Variants in THRB observed in about 807,000 individuals in gnomAD.
THRB encodes the protein thyroid hormone receptor beta.
Under a neutral mutation model 47.8 loss-of-function variants are expected in THRB, and 12 were observed. The ratio of observed to expected loss-of-function variants is 0.25; its 90% CI spans 0.16 to 0.41. The LOEUF (loss-of-function observed/expected upper bound fraction) is 0.41, where lower values mean the gene tolerates loss of function less well. Ranked by LOEUF, THRB falls within the 10% of genes least tolerant of loss-of-function variation. The pLI, the probability that THRB is intolerant of heterozygous loss-of-function variation, is 1.00. For synonymous variants in THRB, 218 were observed against 212.2 expected (o/e 1.03, Z -0.24); for missense variants, 348 against 589.2 (o/e 0.59, Z 4.24).
At chr3:24,407,942 CATA>C (rs751220761) in intron 1 of THRB, among the ~76,000 whole-genome samples, 1 of 151,826 alleles carries the variant, frequency 6.6e-6, no homozygotes, top group African/African-American at 2.4e-5. Context: ...ATATTTGACT[CATA>C]AACAAGTTAT....
intron 1 of THRB, among the ~76,000 whole-genome samples, chr3:24,397,569 A>G (rs2067058165): frequency 6.6e-6 from 1 of 150,452 alleles, no homozygotes; most frequent in Non-Finnish European, 1.5e-5. Flanking sequence ...TGGCCCCTGC[A>G]TGAATGCACA....
In THRB at chr3:24,457,434, G is replaced by A. The variant is rs367574119; in HGVS notation, c.-261+37218C>T. ...ATAAAAGATGAATGAGAAAATATAT[G>A]TCTTCTAGTCTGACTCTGACCTCAG... On this transcript the variant is annotated intron_variant, in intron 1 of 10. Coordinates refer to ENST00000646209, the MANE Select transcript of THRB (RefSeq NM_001354712.2). Among the ~76,000 whole-genome samples the A allele has an allele frequency of 3.9e-5, 6 of 152,256 alleles. No individual in the cohort carries two copies. In the South Asian group the frequency reaches 1.2e-3, roughly 32 times the overall value.
At chr3:24,257,073 C>T (rs573238952) in intron 3 of THRB, among the ~76,000 whole-genome samples, 1 of 152,252 alleles carries the variant, frequency 6.6e-6, no homozygotes, top group East Asian at 1.9e-4. Context: ...GCACATCCTT[C>T]TCTGGTTCTC....
At chr3:24,426,578 A>G (rs1489821082) in intron 1 of THRB, among the ~76,000 whole-genome samples, 4 of 151,948 alleles carry the variant, frequency 2.6e-5, no homozygotes, top group Non-Finnish European at 1.5e-5. Flanking sequence ...AAAATAGTGT[A>G]CCCGAGATGC....
At chr3:24,346,804 A>C (rs1360416341) in intron 1 of THRB, among the ~76,000 whole-genome samples, 4 of 152,018 alleles carry the variant, frequency 2.6e-5, no homozygotes, top group African/African-American at 9.7e-5. Context: ...CTAGAAAAAG[A>C]GATAAGAAAA....
At chr3:24,452,572 A>G (rs2072765439) in intron 1 of THRB, among the ~76,000 whole-genome samples, 1 of 152,084 alleles carries the variant, frequency 6.6e-6, no homozygotes, top group African/African-American at 2.4e-5. Flanking sequence ...TTCTGCTGAG[A>G]AAGATGAGGC....
At chr3:24,208,716 G>A (rs548506075) in intron 4 of THRB, among the ~76,000 whole-genome samples, 11 of 152,252 alleles carry the variant, frequency 7.2e-5, no homozygotes, top group South Asian at 4.1e-4. Context: ...GATTAAAGAC[G>A]TAAATGTTAG....
At chr3:24,456,724 T>C (rs890233876) in intron 1 of THRB, among the ~76,000 whole-genome samples, 1 of 151,798 alleles carries the variant, frequency 6.6e-6, no homozygotes, top group African/African-American at 2.4e-5. Flanking sequence ...AAGTATTATC[T>C]TATGCTTATC....
In THRB at chr3:24,128,863, CT is replaced by C. The variant is rs57890674; in HGVS notation, c.886-1107del. Among the ~76,000 whole-genome samples the C allele has an allele frequency of 6.2e-3, 540 of 86,980 alleles. 3 individuals carry two copies. Among genetic ancestry groups the C allele is most frequent in the East Asian group, 0.024 (40 of 1,690 alleles). The allele number at this position is 86,980 out of a possible 152,430, so 57.1% of individuals were successfully genotyped here. ...GCCAAGAGAAGAAGGAAACATAACT[CT>C]TTTTTTTTTTTTTTTTTTTTTTTTT... On this transcript the variant is annotated intron_variant, in intron 9 of 10. Coordinates refer to ENST00000646209, the MANE Select transcript of THRB (RefSeq NM_001354712.2).
chr3:24,134,786 G>T (rs1220904035), intron 8 of THRB, among the ~76,000 whole-genome samples: 1 of 152,156 alleles, frequency 6.6e-6, no homozygotes, highest in Non-Finnish European at 1.5e-5. Context: ...CCTTTGCCTA[G>T]AGCCACAGTG....
At chr3:24,221,169 G>A (rs2047121905) in intron 4 of THRB, among the ~76,000 whole-genome samples, 1 of 152,220 alleles carries the variant, frequency 6.6e-6, no homozygotes, top group Non-Finnish European at 1.5e-5. Context: ...GATGGCAATG[G>A]TGGCAGGTGG....
intron 1 of THRB, among the ~76,000 whole-genome samples, chr3:24,380,966 T>G (rs865804011): frequency 2.0e-5 from 3 of 151,824 alleles, no homozygotes; most frequent in African/African-American, 7.3e-5. Context: ...AATACAAAAA[T>G]TAGCTGGGTG....
intron 6 of THRB, among the ~76,000 whole-genome samples, chr3:24,149,490 T>C (rs2036592157): frequency 6.6e-6 from 1 of 152,154 alleles, no homozygotes; most frequent in African/African-American, 2.4e-5. Flanking sequence ...AAAAAGTCAC[T>C]CTGTTCACTT....
At chr3:24,254,719 C>T (rs1257553591) in intron 3 of THRB, among the ~76,000 whole-genome samples, 1 of 152,178 alleles carries the variant, frequency 6.6e-6, no homozygotes, top group Non-Finnish European at 1.5e-5. Flanking sequence ...TGATTGAGTG[C>T]TATAAGGCAG....
chr3:24,233,182 T>C (rs533166027), intron 3 of THRB, among the ~76,000 whole-genome samples: 1 of 152,308 alleles, frequency 6.6e-6, no homozygotes, highest in Admixed American at 6.5e-5. Flanking sequence ...TATTATTGAA[T>C]CCTCTGAAAC....
At chr3:24,213,474 G>A (rs1458481279) in intron 4 of THRB, among the ~76,000 whole-genome samples, 1 of 152,074 alleles carries the variant, frequency 6.6e-6, no homozygotes, top group Non-Finnish European at 1.5e-5. Context: ...ACAGAGAGAA[G>A]GCTAATCCCA....
chr3:24,489,120 G>A (rs1697750513), intron 1 of THRB, among the ~76,000 whole-genome samples: 1 of 151,916 alleles, frequency 6.6e-6, no homozygotes, highest in African/African-American at 2.4e-5. Context: ...TGGGTGTGGT[G>A]GCATGTGCCT....
chr3:24,237,359 T>C (rs187684373), intron 3 of THRB, among the ~76,000 whole-genome samples: 295 of 152,352 alleles, frequency 1.9e-3, no homozygotes, highest in Non-Finnish European at 3.3e-3. Flanking sequence ...GGGTCTATGG[T>C]TGAAACTGAG....
intron 4 of THRB, among the ~76,000 whole-genome samples, chr3:24,228,636 GA>G (rs11306713): frequency 0.27 from 22,926 of 85,198 alleles, 1,973 homozygotes; most frequent in Admixed American, 0.39. Context: ...ATGTCTCAAA[GA>G]AAAAAAAAAA....
Sources: gnomAD v4.1 joint callset for allele counts (sites outside exome capture counted in the v4.1 genomes callset) on GRCh38, gnomAD v4.1.1 for gene constraint, MANE v1.5 for transcripts, NCBI Gene and HGNC (gene_info 2026-07-23, HGNC 2026-07-21) for gene names.